The following DLGAP3 variants were observed in gnomAD, a reference collection of about 807,000 sequenced individuals.
The protein encoded by DLGAP3 is DLG associated protein 3.
In DLGAP3, 17 loss-of-function variants were observed where a neutral mutation model predicts 81.2. The ratio of observed to expected loss-of-function variants is 0.21; its 90% CI spans 0.14 to 0.31. DLGAP3 has a LOEUF of 0.31. Ranked by LOEUF, DLGAP3 falls within the 10% of genes least tolerant of loss-of-function variation. The probability of loss-of-function intolerance (pLI) is 1.00; values close to 1 mark genes in which losing one functional copy is unlikely to be tolerated. For missense variants in DLGAP3, 1,124 were observed against 1,388.0 expected, an observed-to-expected ratio of 0.81 and a Z score of 3.02; for synonymous variants, 577 against 587.4, an observed-to-expected ratio of 0.98 and a Z score of 0.26.
Position 34,899,693 on chromosome 1 carries a change from G to A in DLGAP3, c.1362C>T (p.Tyr454=). ...CCTGTCCAGTGGTGAGGGAACGGCTGTAGCCAGGGATGGAGCTCCGGGGGT... is the reference window on the plus strand; with the variant it reads ...CCTGTCCAGTGGTGAGGGAACGGCTATAGCCAGGGATGGAGCTCCGGGGGT... ...RIHPRSSIPG[Y]SRSLTTGQLS... Residue 454 remains tyrosine (Y), a synonymous_variant, in exon 5 of 12, where the codon TAC becomes TAT. Transcript: ENST00000373347. The A allele has an allele frequency of 6.2e-7, 1 of 1,614,030 alleles. No homozygotes were observed. Among genetic ancestry groups the A allele is most frequent in the Non-Finnish European group, 8.5e-7 (1 of 1,179,996 alleles).
At chr1:34,869,788 T>C (rs1466098192) in intron 8 of DLGAP3, among the ~76,000 whole-genome samples, 6 of 152,228 alleles carry the variant, frequency 3.9e-5, no homozygotes, top group Non-Finnish European at 7.3e-5. Context: ...AGTATTTCAA[T>C]ATTTTAACAA....
At chr1:34,885,429 C>CCCGA in intron 7 of DLGAP3, 49 bp downstream of exon 7, 1 of 1,591,796 alleles carries the variant, frequency 6.3e-7, no homozygotes, top group Non-Finnish European at 8.5e-7. Context: ...TCACCCCAGC[C>CCCGA]CCGACCGACC....
intron 1 of DLGAP3, among the ~76,000 whole-genome samples, chr1:34,919,970 AG>A (rs1424732354): frequency 6.6e-6 from 1 of 152,196 alleles, no homozygotes; most frequent in Non-Finnish European, 1.5e-5. Context: ...CCACACCACC[AG>A]GGTAGAGGAC....
chr1:34,892,066 A>G (rs1437422383), intron 5 of DLGAP3, among the ~76,000 whole-genome samples: 1 of 152,256 alleles, frequency 6.6e-6, no homozygotes, highest in Non-Finnish European at 1.5e-5. Flanking sequence ...CAAGGCAGCT[A>G]TTATAAATAT....
At position 34,900,560 on chromosome 1, in the gene DLGAP3, C is replaced by A. The variant is rs1251025792; in HGVS notation, c.1108-287G>T. Among the ~76,000 whole-genome samples the A allele has an allele frequency of 6.6e-6, 1 of 152,226 alleles. No homozygotes were observed. The highest frequency in any genetic ancestry group is 1.5e-5 in the Non-Finnish European group (1 of 68,038). On this transcript the variant is annotated intron_variant, in intron 3 of 11. Coordinates refer to ENST00000373347, the MANE Select transcript of DLGAP3 (RefSeq NM_001080418.3). This position sits in a 1 kb window ranked among gnomAD's most constrained non-coding sequence, Gnocchi z 5.6. Reference sequence around the variant, plus strand: ...GTTGATGATCAGAGGCCAAAGTGACCTGTGTCAATCCCATGCCCAGCAGTC... The same window carrying A: ...GTTGATGATCAGAGGCCAAAGTGACATGTGTCAATCCCATGCCCAGCAGTC...
rs544891015 is a variant in DLGAP3, at chr1:34,919,637, G to A, written c.-135+9814C>T. Among the ~76,000 whole-genome samples the A allele has an allele frequency of 2.0e-5, 3 of 152,216 alleles. No homozygotes were observed. In the East Asian group the frequency reaches 5.8e-4, roughly 29 times the overall value. ...TCTACTAAAAATACAAAAATTAGTC[G>A]GGCGTGGTGGCAAGTGCCTGTAATC... is the stretch of plus-strand genomic sequence containing the variant. On this transcript the variant is annotated intron_variant, in intron 1 of 11. Coordinates refer to ENST00000373347, the MANE Select transcript of DLGAP3 (RefSeq NM_001080418.3).
intron 5 of DLGAP3, among the ~76,000 whole-genome samples, chr1:34,889,672 C>G (rs1280361589): frequency 6.6e-6 from 1 of 152,200 alleles, no homozygotes; most frequent in Non-Finnish European, 1.5e-5. Flanking sequence ...GTATACTTTA[C>G]TTGTGTTATT....
intron 2 of DLGAP3, among the ~76,000 whole-genome samples, chr1:34,906,016 T>TTATATATATATATATATATATATATA (rs150603784): frequency 0.047 from 2,980 of 63,700 alleles, 504 homozygotes; most frequent in East Asian, 0.12. Flanking sequence ...GCCTCTAAAT[T>TTATATATATATATATATATATATATA]TATATATATA....
At chr1:34,869,696 G>A (rs541169692) in intron 8 of DLGAP3, among the ~76,000 whole-genome samples, 19 of 152,132 alleles carry the variant, frequency 1.2e-4, no homozygotes, top group African/African-American at 4.3e-4. Context: ...GGCTGGTCTC[G>A]AACTCCCGAC....
intron 1 of DLGAP3, among the ~76,000 whole-genome samples, chr1:34,926,962 C>A (rs1639881913): frequency 6.6e-6 from 1 of 152,128 alleles, no homozygotes; most frequent in Non-Finnish European, 1.5e-5. Context: ...CAGCTCGAGC[C>A]CCAACATCAG....
chr1:34,865,780 A>C lies in DLGAP3; in HGVS notation c.*303T>G. 2 of 443,430 alleles carry C rather than the reference A, an allele frequency of 4.5e-6. No individual in the cohort carries two copies. The highest frequency in any genetic ancestry group is 8.2e-6 in the Non-Finnish European group (2 of 244,700). 27.5% of individuals were successfully genotyped at this position (443,430 alleles called of 1,614,324 possible). ...CCCGGCCCGGCCTGGCCCGTGGGGG[A>C]AAGAATGGCAGAGATGGTGCCCATG... On this transcript the variant is annotated 3_prime_UTR_variant, in exon 12 of 12. Transcript: ENST00000373347.
At chr1:34,877,514 T>G (rs1485879792) in intron 8 of DLGAP3, among the ~76,000 whole-genome samples, 1 of 152,166 alleles carries the variant, frequency 6.6e-6, no homozygotes, top group Non-Finnish European at 1.5e-5. Context: ...AAAACAATAG[T>G]GAACACACAA....
chr1:34,882,315 G>A (rs927801054), intron 8 of DLGAP3, among the ~76,000 whole-genome samples: 1 of 151,942 alleles, frequency 6.6e-6, no homozygotes, highest in Non-Finnish European at 1.5e-5. Flanking sequence ...CATCTCTACT[G>A]AAAACACAAA....
chr1:34,923,150 G>A (rs1639821013), intron 1 of DLGAP3, among the ~76,000 whole-genome samples: 1 of 152,048 alleles, frequency 6.6e-6, no homozygotes, highest in South Asian at 2.1e-4. Context: ...AAAATATCAA[G>A]GCCAAAATCC....
chr1:34,886,880 CTAATGCG>C (rs1230004538), intron 5 of DLGAP3, among the ~76,000 whole-genome samples: 5 of 145,888 alleles, frequency 3.4e-5, no homozygotes, highest in Non-Finnish European at 6.0e-5. Flanking sequence ...AGGATGGAAA[CTAATGCG>C]TAAGTGATGG....
At chr1:34,866,907 G>A (rs374223435) in intron 11 of DLGAP3, 141 bp downstream of exon 11, 2 of 969,330 alleles carry the variant, frequency 2.1e-6, no homozygotes, top group African/African-American at 3.2e-5. Flanking sequence ...GAAGGGGATG[G>A]TCACCTATCA....
chr1:34,890,213 A>T (rs1056054018), intron 5 of DLGAP3, among the ~76,000 whole-genome samples: 35 of 152,296 alleles, frequency 2.3e-4, no homozygotes, highest in African/African-American at 8.4e-4. Flanking sequence ...CACACCCCTA[A>T]AATTAAAAAT....
At chr1:34,928,473 C>T (rs906109353) in intron 1 of DLGAP3, among the ~76,000 whole-genome samples, 4 of 151,986 alleles carry the variant, frequency 2.6e-5, no homozygotes, top group African/African-American at 9.7e-5. Flanking sequence ...CCAGCAACAT[C>T]CCAGAGGGCA....
chr1:34,926,403 C>T (rs1639872811), intron 1 of DLGAP3, among the ~76,000 whole-genome samples: 2 of 152,192 alleles, frequency 1.3e-5, no homozygotes, highest in African/African-American at 2.4e-5. Context: ...ACCCAGACTC[C>T]CCAGACGGCA....
Sources: gnomAD v4.1 joint callset for allele counts (sites outside exome capture counted in the v4.1 genomes callset) on GRCh38, gnomAD v4.1.1 for gene constraint, Gnocchi (gnomAD v3.1) non-coding constraint, MANE v1.5 for transcripts, NCBI Gene and HGNC (gene_info 2026-07-23, HGNC 2026-07-21) for gene names.